VEGFC: variants seen among roughly 807,000 people sequenced by gnomAD.
VEGFC encodes FLT4 ligand DHM.
In VEGFC, 12 loss-of-function variants were observed where a neutral mutation model predicts 46.1. The ratio of observed to expected loss-of-function variants is 0.26; its 90% confidence interval spans 0.17 to 0.42. VEGFC has a LOEUF of 0.42. Among genes scored for constraint, VEGFC ranks in the 10% least tolerant of loss-of-function variants. The pLI is 1.00. For synonymous variants in VEGFC, 232 were observed against 195.5 expected (o/e 1.19, Z -1.56); for missense variants, 488 against 529.4 (o/e 0.92, Z 0.77).
intron 1 of VEGFC, among the ~76,000 whole-genome samples, chr4:176,758,468 C>A (rs1735470836): frequency 6.6e-6 from 1 of 152,118 alleles, no homozygotes; most frequent in South Asian, 2.1e-4. Flanking sequence ...AGAGCTAGGA[C>A]ATGCACATTT....
chr4:176,778,644 G>T (rs1012248196), intron 1 of VEGFC, among the ~76,000 whole-genome samples: 2 of 152,076 alleles, frequency 1.3e-5, no homozygotes, highest in Non-Finnish European at 2.9e-5. Context: ...AACAACTAAA[G>T]ATTTATAAGG....
chr4:176,714,768 T>C (rs1026492417), intron 3 of VEGFC, among the ~76,000 whole-genome samples: 4 of 152,186 alleles, frequency 2.6e-5, no homozygotes, highest in Non-Finnish European at 4.4e-5. Context: ...ACCTCATCCA[T>C]GCCTAGGTAG....
At chr4:176,739,614 G>A (rs1735120906) in intron 1 of VEGFC, among the ~76,000 whole-genome samples, 1 of 151,736 alleles carries the variant, frequency 6.6e-6, no homozygotes. Flanking sequence ...ATGAGGGTAG[G>A]GAACGCATCG....
intron 2 of VEGFC, 69 bp downstream of exon 2, chr4:176,729,464 G>T: frequency 8.0e-7 from 1 of 1,247,596 alleles, no homozygotes; most frequent in Non-Finnish European, 1.1e-6. Context: ...TGAAATTAAA[G>T]AACCAGGCTG....
At chr4:176,717,749 G>C (rs1335135031) in intron 3 of VEGFC, among the ~76,000 whole-genome samples, 1 of 151,932 alleles carries the variant, frequency 6.6e-6, no homozygotes, top group Non-Finnish European at 1.5e-5. Context: ...ATTAAGTACA[G>C]ATATATGTAC....
intron 1 of VEGFC, among the ~76,000 whole-genome samples, chr4:176,746,337 GA>G (rs1735257454): frequency 6.6e-6 from 1 of 151,908 alleles, no homozygotes; most frequent in Non-Finnish European, 1.5e-5. Flanking sequence ...AGAAAACACA[GA>G]GCTGGGCATT....
chr4:176,730,471 T>C lies in VEGFC; in HGVS notation c.148-725A>G, dbSNP rs148357784. The stretch of plus-strand genomic sequence containing the variant: ...AGAAATAAATACAATTTTTTTCTAA[T>C]TATGCTTTAGAATTAGGAAAAAGGA... On this transcript the variant is annotated intron_variant, in intron 1 of 6. Transcript: ENST00000618562. Among the ~76,000 whole-genome samples, 186 of 152,264 alleles carry C rather than the reference T, an allele frequency of 1.2e-3. 2 individuals carry two copies. Among genetic ancestry groups the C allele is most frequent in the African/African-American group, 4.2e-3 (176 of 41,578 alleles).
At chr4:176,732,345 T>C (rs1456332905) in intron 1 of VEGFC, among the ~76,000 whole-genome samples, 1 of 151,956 alleles carries the variant, frequency 6.6e-6, no homozygotes, top group Non-Finnish European at 1.5e-5. Flanking sequence ...AAAGTTCAAG[T>C]TCATTCTTTT....
intron 3 of VEGFC, among the ~76,000 whole-genome samples, chr4:176,719,004 C>T (rs1734738846): frequency 6.6e-6 from 1 of 152,248 alleles, no homozygotes; most frequent in African/African-American, 2.4e-5. Context: ...ATCTACTTAA[C>T]TTTTCAAAGC....
At chr4:176,772,331 G>T (rs181132992) in intron 1 of VEGFC, among the ~76,000 whole-genome samples, 2 of 152,264 alleles carry the variant, frequency 1.3e-5, no homozygotes, top group Admixed American at 6.5e-5. Context: ...AAGTTCTCAT[G>T]TTTTATAAGG....
chr4:176,690,681 T>C (rs1734159878), intron 4 of VEGFC, among the ~76,000 whole-genome samples: 1 of 152,238 alleles, frequency 6.6e-6, no homozygotes, highest in African/African-American at 2.4e-5. Context: ...TCAAATATGA[T>C]ACAACTTATA....
At chr4:176,695,962 T>C (rs1278193305) in intron 4 of VEGFC, among the ~76,000 whole-genome samples, 2 of 148,268 alleles carry the variant, frequency 1.3e-5, no homozygotes, top group African/African-American at 5.1e-5. Flanking sequence ...CTCAATAAAT[T>C]AGGTATTGAT....
At chr4:176,712,853 T>C (rs1259873932) in intron 3 of VEGFC, among the ~76,000 whole-genome samples, 2 of 152,334 alleles carry the variant, frequency 1.3e-5, no homozygotes, top group Admixed American at 6.5e-5. Context: ...GTATTCCTTA[T>C]ATATTCATTT....
chr4:176,692,893 C>A (rs1183662702), intron 4 of VEGFC, among the ~76,000 whole-genome samples: 3 of 147,104 alleles, frequency 2.0e-5, no homozygotes, highest in South Asian at 2.1e-4. Flanking sequence ...GCAGGGTATT[C>A]CAACAGACCT....
At chr4:176,786,998 A>G (rs2110955150) in intron 1 of VEGFC, among the ~76,000 whole-genome samples, 1 of 152,270 alleles carries the variant, frequency 6.6e-6, no homozygotes, top group East Asian at 1.9e-4. Flanking sequence ...GTGCATAGAC[A>G]TATTAATACT....
chr4:176,734,931 A>G (rs913086357), intron 1 of VEGFC, among the ~76,000 whole-genome samples: 1 of 151,856 alleles, frequency 6.6e-6, no homozygotes, highest in Non-Finnish European at 1.5e-5. Flanking sequence ...AATGTAATTT[A>G]AAAGCATTCA....
intron 1 of VEGFC, among the ~76,000 whole-genome samples, chr4:176,767,486 C>T (rs1403795684): frequency 6.6e-6 from 1 of 152,182 alleles, no homozygotes; most frequent in African/African-American, 2.4e-5. Flanking sequence ...TCCTACAGTG[C>T]CCAGCAATTT....
At chr4:176,736,534 C>G (rs589936) in intron 1 of VEGFC, among the ~76,000 whole-genome samples, 144,669 of 151,592 alleles carry the variant, frequency 0.95, 69,385 homozygotes, top group East Asian at 1. Flanking sequence ...AAAAAGATGT[C>G]TTTATAGAAT....
At chr4:176,686,464 G>A (rs951924301) in intron 6 of VEGFC, among the ~76,000 whole-genome samples, 106 of 152,294 alleles carry the variant, frequency 7.0e-4, no homozygotes, top group African/African-American at 2.3e-3. Context: ...GGGAAAAAAA[G>A]TAGAGTTGAA....
Sources: gnomAD v4.1 joint callset for allele counts (sites outside exome capture counted in the v4.1 genomes callset) on GRCh38, gnomAD v4.1.1 for gene constraint, MANE v1.5 for transcripts, NCBI Gene and HGNC (gene_info 2026-07-23, HGNC 2026-07-21) for gene names.